Variants in ORC3 observed in about 807,000 individuals in gnomAD.
The protein encoded by ORC3 is origin recognition complex subunit 3.
Under a neutral mutation model 100.7 loss-of-function variants are expected in ORC3, and 78 were observed. The ratio of observed to expected loss-of-function variants is 0.77; its 90% CI spans 0.65 to 0.94. The LOEUF is 0.94. Among genes scored for constraint, ORC3 ranks in the 40% least tolerant of loss-of-function variants. ORC3 has a pLI of 0.00. For synonymous variants in ORC3, 295 were observed against 289.3 expected (o/e 1.02, Z -0.20); for missense variants, 789 against 823.9 (o/e 0.96, Z 0.52).
At chr6:87,598,712 C>T (rs1381535973) in intron 2 of ORC3, among the ~76,000 whole-genome samples, 2 of 148,092 alleles carry the variant, frequency 1.4e-5, no homozygotes, top group East Asian at 4.0e-4. Flanking sequence ...TGTTATAATA[C>T]GAAAATCTTT....
chr6:87,597,999 T>A (rs1777591962), intron 2 of ORC3, among the ~76,000 whole-genome samples: 1 of 152,140 alleles, frequency 6.6e-6, no homozygotes, highest in Non-Finnish European at 1.5e-5. Context: ...CTAATACAGT[T>A]GTTAATATTT....
chr6:87,609,168 A>G lies in ORC3; in HGVS notation c.652A>G (p.Ile218Val). 6.2e-7 allele frequency: 1 copy of G among 1,610,640 alleles called. No homozygotes were observed. The highest frequency in any genetic ancestry group is 8.5e-7 in the Non-Finnish European group (1 of 1,178,936). Residue 218 changes from isoleucine (I) to valine (V), a missense_variant, in exon 7 of 20, where the codon ATC (isoleucine) becomes GTC (valine). By Grantham distance (29) the Ile-to-Val change is conservative. Around this residue, in one of 3 missense-constraint regions of ORC3, gnomAD observed 399 missense variants for 382.0 expected, o/e 1.04. Coordinates refer to ENST00000392844, the MANE Select transcript of ORC3 (RefSeq NM_012381.4). ...ATGGCAGTCTCCTCCTGTTGTCGTT[A>G]TCTTGAAGGATATGGAAAGCTTTGC... Reference protein sequence around the residue: ...SQWQSPPVVVILKDMESFATK... With the variant: ...SQWQSPPVVVVLKDMESFATK...
chr6:87,641,916 C>T (rs574042661), intron 13 of ORC3, among the ~76,000 whole-genome samples: 1 of 152,262 alleles, frequency 6.6e-6, no homozygotes, highest in South Asian at 2.1e-4. Flanking sequence ...TGACACAGCT[C>T]CACAATCTAT....
chr6:87,668,647 C>T (rs1025203560), downstream of ORC3, among the ~76,000 whole-genome samples: 10 of 152,104 alleles, frequency 6.6e-5, no homozygotes, highest in African/African-American at 2.4e-4. Flanking sequence ...TAATGGGTAG[C>T]TGCTCACCCT....
At position 87,654,248 on chromosome 6, in the gene ORC3, A is replaced by T. The variant is rs896742287; in HGVS notation, c.1516+999A>T. On this transcript the variant is annotated intron_variant, in intron 14 of 19. Coordinates refer to ENST00000392844, the MANE Select transcript of ORC3 (RefSeq NM_012381.4). ...CAAAAATCTTCCCATATCTCTCCAT[A>T]GCTACAATGTGAGGCACCTGATGAG... 3.3e-5 allele frequency among the ~76,000 whole-genome samples: 5 copies of T among 152,188 alleles called. No homozygotes were observed. The South Asian group carries it at 1.0e-3, about 31-fold the overall frequency.
intron 9 of ORC3, among the ~76,000 whole-genome samples, chr6:87,616,954 C>T (rs376580403): frequency 2.5e-4 from 38 of 152,100 alleles, no homozygotes; most frequent in East Asian, 5.8e-4. Context: ...CGTGCCACCA[C>T]GCCTGGCTAA....
In ORC3 at chr6:87,607,771, A is replaced by C. The variant is rs763061576; in HGVS notation, c.526A>C (p.Lys176Gln). The change falls in exon 6 of 20, where the codon AAG becomes CAG. Residue 176 changes from lysine to glutamine, a missense_variant. Around this residue, in one of 3 missense-constraint regions of ORC3, gnomAD observed 399 missense variants for 382.0 expected, o/e 1.04. Coordinates refer to ENST00000392844, the MANE Select transcript of ORC3 (RefSeq NM_012381.4). ...EEESVHVTQR[K>Q]THYSMDSLSS... ...GGAAAGTGTTCACGTCACCCAAAGA[A>C]AGACACATTATTCAATGGATTCACT... 2.6e-5 allele frequency: 42 copies of C among 1,612,746 alleles called. No homozygotes were observed. Among genetic ancestry groups the C allele is most frequent in the Middle Eastern group, 1.7e-4 (1 of 6,046 alleles).
intron 2 of ORC3, among the ~76,000 whole-genome samples, chr6:87,596,776 T>A (rs1777477859): frequency 6.6e-6 from 1 of 152,224 alleles, no homozygotes; most frequent in African/African-American, 2.4e-5. Context: ...AGTATTACTA[T>A]CAGAATGTAT....
chr6:87,659,607 C>T (rs1228282594), intron 16 of ORC3, among the ~76,000 whole-genome samples: 5 of 151,930 alleles, frequency 3.3e-5, no homozygotes, highest in African/African-American at 7.3e-5. Context: ...CAAGGCCGGG[C>T]GCATTGGCTC....
intron 13 of ORC3, among the ~76,000 whole-genome samples, chr6:87,642,143 A>G (rs572572666): frequency 6.6e-6 from 1 of 152,260 alleles, no homozygotes; most frequent in African/African-American, 2.4e-5. Flanking sequence ...AAAAAATACA[A>G]AAAGTATATG....
At chr6:87,629,152 T>C (rs1422558954) in intron 11 of ORC3, among the ~76,000 whole-genome samples, 1 of 152,176 alleles carries the variant, frequency 6.6e-6, no homozygotes, top group Admixed American at 6.5e-5. Context: ...CCAGCCAGCA[T>C]TTTTCTCTAA....
chr6:87,610,279 A>G (rs919326140), intron 7 of ORC3, among the ~76,000 whole-genome samples: 7 of 151,228 alleles, frequency 4.6e-5, no homozygotes, highest in African/African-American at 1.7e-4. Context: ...CGCCTTCTCA[A>G]CTCCCTGCCA....
intron 9 of ORC3, among the ~76,000 whole-genome samples, chr6:87,618,626 G>GAA (rs750752724): frequency 6.6e-6 from 1 of 152,148 alleles, no homozygotes; most frequent in Non-Finnish European, 1.5e-5. Flanking sequence ...AGATCTGTTA[G>GAA]AATGCTATTG....
At chr6:87,605,513 G>A (rs1283160326) in intron 4 of ORC3, among the ~76,000 whole-genome samples, 1 of 152,098 alleles carries the variant, frequency 6.6e-6, no homozygotes, top group Non-Finnish European at 1.5e-5. Context: ...TAGCCGGTGT[G>A]GTGGCACATG....
intron 2 of ORC3, among the ~76,000 whole-genome samples, chr6:87,599,057 G>A (rs1459875107): frequency 6.6e-6 from 1 of 152,162 alleles, no homozygotes; most frequent in Non-Finnish European, 1.5e-5. Context: ...AGCCGAGGCA[G>A]GTAGAAACCT....
In ORC3 at chr6:87,594,575, G is replaced by A. The variant is rs549278723; in HGVS notation, c.79+168G>A. 5.1e-4 allele frequency: 648 copies of A among 1,269,012 alleles called. 2 individuals carry two copies. In the African/African-American group the frequency reaches 8.9e-3, roughly 17 times the overall value. The allele number at this position is 1,269,012 out of a possible 1,614,324, so 78.6% of individuals were successfully genotyped here. A position where few individuals can be genotyped will look rare whatever the true frequency, so the allele number is the denominator to read the frequency against. ...CAAAGAGATAAGAGGACACCCCAGG[G>A]CTCTAATTGAAAAGAGAATCCAATT... On this transcript the variant is annotated intron_variant, in intron 2 of 19. Transcript: ENST00000392844.
At chr6:87,644,720 G>T (rs1562367880) in intron 13 of ORC3, among the ~76,000 whole-genome samples, 1 of 151,994 alleles carries the variant, frequency 6.6e-6, no homozygotes, top group African/African-American at 2.4e-5. Flanking sequence ...GTGGTGGCGT[G>T]TGCCTATAAT....
chr6:87,646,752 C>G (rs1311098860), intron 13 of ORC3, among the ~76,000 whole-genome samples: 1 of 152,228 alleles, frequency 6.6e-6, no homozygotes, highest in African/African-American at 2.4e-5. Flanking sequence ...TCTCTGACAT[C>G]TTAACATTAC....
At position 87,603,499 on chromosome 6, in the gene ORC3, G is replaced by A. The variant is rs768222677; in HGVS notation, c.293G>A (p.Arg98Lys). ...SRDLGGQIKL[R>K]EIPTAALVLG... ...GACTTGGGCGGTCAAATAAAACTCA[G>A]AGAAATTCCAACTGCTGCTCTTGTT... The change falls in exon 4 of 20, where the codon AGA (arginine) becomes AAA (lysine). Residue 98 changes from arginine to lysine, a missense_variant. By Grantham distance (26) the Arg-to-Lys change is conservative (BLOSUM62 2). Transcript: ENST00000392844. 32 of 1,523,202 alleles carry A rather than the reference G, an allele frequency of 2.1e-5. No homozygotes were observed. Among genetic ancestry groups the A allele is most frequent in the Non-Finnish European group, 5.4e-6 (6 of 1,116,626 alleles). The allele number at this position is 1,523,202 out of a possible 1,614,324, so 94.4% of individuals were successfully genotyped here.
Sources: gnomAD v4.1 joint callset for allele counts (sites outside exome capture counted in the v4.1 genomes callset) on GRCh38, gnomAD v4.1.1 for gene constraint, gnomAD v4.1.1 regional missense constraint, MANE v1.5 for transcripts, NCBI Gene and HGNC (gene_info 2026-07-23, HGNC 2026-07-21) for gene names.